SORCS1: variants seen among roughly 807,000 people sequenced by gnomAD.
SORCS1 encodes sortilin related VPS10 domain containing receptor 1, also known as VPS10 domain-containing receptor SorCS1.
In SORCS1, 60 loss-of-function variants were observed where a neutral mutation model predicts 146.1. The ratio of observed to expected loss-of-function variants is 0.41; its 90% CI spans 0.33 to 0.51. The LOEUF is 0.51. Among genes scored for constraint, SORCS1 ranks in the 20% least tolerant of loss-of-function variants. The pLI is 0.21. For synonymous variants in SORCS1, 637 were observed against 584.0 expected, an observed-to-expected ratio of 1.09 and a Z score of -1.31; for missense variants, 1,352 against 1,487.6, an observed-to-expected ratio of 0.91 and a Z score of 1.50.
At chr10:107,128,673 G>C (rs115841579) in intron 1 of SORCS1, among the ~76,000 whole-genome samples, 3 of 152,194 alleles carry the variant, frequency 2.0e-5, no homozygotes, top group Non-Finnish European at 2.9e-5. Flanking sequence ...AGTTCCTTAA[G>C]GAACATTTTC....
chr10:106,978,902 G>A (rs997918935), intron 1 of SORCS1, among the ~76,000 whole-genome samples: 4 of 152,034 alleles, frequency 2.6e-5, no homozygotes, highest in Admixed American at 1.3e-4. Flanking sequence ...AGCAGCTATA[G>A]ACAATATGTC....
Position 106,742,315 on chromosome 10 carries a change from G to T in SORCS1, c.960-12201C>A, listed in dbSNP as rs192856029. ...TACTGAGATATCTTAGGGATGGAAC[G>T]CAAGTCTAAACACAAAATCCATTTA... On this transcript the variant is annotated intron_variant, in intron 5 of 25. Transcript: ENST00000263054. 3.5e-3 allele frequency among the ~76,000 whole-genome samples: 529 copies of T among 152,276 alleles called. 9 individuals carry two copies. The highest frequency in any genetic ancestry group is 0.012 in the African/African-American group (510 of 41,550).
intron 2 of SORCS1, among the ~76,000 whole-genome samples, chr10:106,954,890 A>G (rs905937005): frequency 6.6e-6 from 1 of 152,224 alleles, no homozygotes; most frequent in African/African-American, 2.4e-5. Flanking sequence ...CCGTCACTCA[A>G]TAAAACTCTT....
chr10:107,102,036 C>T (rs11193197), intron 1 of SORCS1, among the ~76,000 whole-genome samples: 1 of 151,908 alleles, frequency 6.6e-6, no homozygotes, highest in Admixed American at 6.6e-5. Context: ...TGGCCTGGAT[C>T]AAACATAAGG....
chr10:106,800,513 C>CTTTTT (rs763659103), intron 3 of SORCS1, among the ~76,000 whole-genome samples: 1 of 89,070 alleles, frequency 1.1e-5, no homozygotes, highest in African/African-American at 4.2e-5. Context: ...CTAGGTGAAT[C>CTTTTT]TTTTTTTTTT....
intron 1 of SORCS1, among the ~76,000 whole-genome samples, chr10:107,102,833 T>G: frequency 6.6e-6 from 1 of 152,330 alleles, no homozygotes; most frequent in Non-Finnish European, 1.5e-5. Context: ...AATCTTTACA[T>G]TTTGTGAACA....
intron 1 of SORCS1, among the ~76,000 whole-genome samples, chr10:107,124,953 C>CTTTTTTTT (rs577523339): frequency 4.9e-5 from 6 of 121,610 alleles, no homozygotes; most frequent in Non-Finnish European, 6.7e-5. Flanking sequence ...TTTTCTTTTT[C>CTTTTTTTT]TTTTTTTTTT....
At chr10:106,920,604 T>C (rs1337367127) in intron 2 of SORCS1, among the ~76,000 whole-genome samples, 1 of 152,188 alleles carries the variant, frequency 6.6e-6, no homozygotes, top group Non-Finnish European at 1.5e-5. Context: ...TCATCTGCTC[T>C]TTAATGAGCC....
chr10:107,147,571 G>C (rs1482763123), intron 1 of SORCS1, among the ~76,000 whole-genome samples: 1 of 151,878 alleles, frequency 6.6e-6, no homozygotes. Context: ...CACTTTTGTA[G>C]AACAATTTGG....
chr10:106,922,861 C>G (rs914791214), intron 2 of SORCS1, among the ~76,000 whole-genome samples: 1 of 151,834 alleles, frequency 6.6e-6, no homozygotes, highest in Admixed American at 6.6e-5. Context: ...CCCTCCCTTC[C>G]TGCAACCCAT....
chr10:106,963,774 A>T (rs1288600378), intron 1 of SORCS1, among the ~76,000 whole-genome samples: 1 of 152,212 alleles, frequency 6.6e-6, no homozygotes, highest in Non-Finnish European at 1.5e-5. Context: ...GATTTAATTT[A>T]ATAAACATTT....
intron 5 of SORCS1, among the ~76,000 whole-genome samples, chr10:106,750,198 T>A (rs745513974): frequency 3.9e-5 from 6 of 152,056 alleles, no homozygotes; most frequent in Non-Finnish European, 7.4e-5. Flanking sequence ...CTCATGGTAA[T>A]CACTTGCATT....
intron 2 of SORCS1, among the ~76,000 whole-genome samples, chr10:106,842,378 T>C (rs1453918779): frequency 6.6e-6 from 1 of 151,946 alleles, no homozygotes; most frequent in Non-Finnish European, 1.5e-5. Flanking sequence ...GGACTACCCT[T>C]GTGCACCACC....
Position 107,060,878 on chromosome 10 carries a change from A to G in SORCS1, c.558+103091T>C, listed in dbSNP as rs1961146428. On this transcript the variant is annotated intron_variant, in intron 1 of 25. Transcript: ENST00000263054. The surrounding 1 kb of genome is among the most constrained non-coding windows in gnomAD (Gnocchi z 4.1). ...TATTGAATCACAAGCCTCTAAACTA[A>G]TGTCTTAAAAATTCTCAATAAATGT... 1.3e-5 allele frequency among the ~76,000 whole-genome samples: 2 copies of G among 152,112 alleles called. No individual in the cohort carries two copies. Among genetic ancestry groups the G allele is most frequent in the Non-Finnish European group, 2.9e-5 (2 of 68,002 alleles).
At chr10:106,900,596 A>G (rs1291213060) in intron 2 of SORCS1, among the ~76,000 whole-genome samples, 1 of 152,132 alleles carries the variant, frequency 6.6e-6, no homozygotes, top group African/African-American at 2.4e-5. Flanking sequence ...AGTGAGATTA[A>G]GCTTCAATCA....
intron 2 of SORCS1, among the ~76,000 whole-genome samples, chr10:106,874,343 C>A (rs998756141): frequency 3.3e-5 from 5 of 152,114 alleles, no homozygotes; most frequent in Admixed American, 1.3e-4. Flanking sequence ...TAATTATATG[C>A]AGAAAACAAA....
In SORCS1 at chr10:106,696,047, C is replaced by G. The variant is rs189580017; in HGVS notation, c.1413+3167G>C. Among the ~76,000 whole-genome samples the G allele has an allele frequency of 2.6e-3, 390 of 152,284 alleles. 2 individuals carry two copies. The highest frequency in any genetic ancestry group is 4.3e-3 in the Non-Finnish European group (294 of 68,026). ...CAATGCACATCCTTGATACACAGAT[C>G]CATCTACATGTTTATACATTATACA... On this transcript the variant is annotated intron_variant, in intron 9 of 25. Transcript: ENST00000263054.
At chr10:106,775,125 G>A (rs1860329448) in intron 4 of SORCS1, among the ~76,000 whole-genome samples, 1 of 152,228 alleles carries the variant, frequency 6.6e-6, no homozygotes, top group Non-Finnish European at 1.5e-5. Flanking sequence ...TAACTGCAAA[G>A]ATGCAAAGCT....
chr10:106,872,252 G>C (rs548491751), intron 2 of SORCS1, among the ~76,000 whole-genome samples: 1 of 152,280 alleles, frequency 6.6e-6, no homozygotes, highest in Admixed American at 6.5e-5. Context: ...GACATAATTG[G>C]GCCAGGTGCA....
Sources: allele counts gnomAD v4.1 joint callset (sites outside exome capture counted in the v4.1 genomes callset), GRCh38; gene constraint gnomAD v4.1.1; non-coding constraint Gnocchi (gnomAD v3.1); transcripts MANE v1.5; gene names NCBI Gene and HGNC (gene_info 2026-07-23, HGNC 2026-07-21).